The following CHD7 variants were observed in gnomAD, a reference collection of about 807,000 sequenced individuals.
CHD7 encodes ATP-dependent chromatin remodeler CHD7.
Under a neutral mutation model 307.3 loss-of-function variants are expected in CHD7, and 24 were observed. That is an observed-to-expected ratio of 0.08 (90% confidence interval 0.06 to 0.11). The LOEUF is 0.11. Among genes scored for constraint, CHD7 ranks in the 10% least tolerant of loss-of-function variants. The probability of loss-of-function intolerance (pLI) is 1.00; values close to 1 mark genes in which losing one functional copy is unlikely to be tolerated. For missense variants in CHD7, 3,106 were observed against 3,727.1 expected, an observed-to-expected ratio of 0.83 and a Z score of 4.34; for synonymous variants, 1,363 against 1,349.9, an observed-to-expected ratio of 1.01 and a Z score of -0.21.
chr8:60,856,841 G>A lies in CHD7; in HGVS notation c.7561G>A (p.Gly2521Arg). 6.3e-7 allele frequency: 1 copy of A among 1,580,492 alleles called. No individual in the cohort carries two copies. The part of the protein sequence containing the change: ...RRRGRRKNVE[G>R]LDLLFMSHKR... ...GCGGGGAAGGAGGAAAAATGTGGAG[G>A]GACTTGATCTGCTTTTCATGAGCCA... The change falls in exon 34 of 38, where the codon GGA becomes AGA. Residue 2521 changes from glycine to arginine, a missense_variant. Coordinates refer to ENST00000423902, the MANE Select transcript of CHD7 (RefSeq NM_017780.4).
intron 34 of CHD7, among the ~76,000 whole-genome samples, 187 bp downstream of exon 34, chr8:60,857,075 C>T (rs1186979735): frequency 6.6e-6 from 1 of 152,192 alleles, no homozygotes; most frequent in Admixed American, 6.5e-5. Flanking sequence ...TTGGCCTGAA[C>T]GAAGTGTAGC....
chr8:60,842,453 C>T (rs1805015320), intron 21 of CHD7, among the ~76,000 whole-genome samples: 1 of 152,194 alleles, frequency 6.6e-6, no homozygotes, highest in South Asian at 2.1e-4. Context: ...GCAGTAATCT[C>T]ACTTGTTAAA....
At chr8:60,832,592 C>T (rs947888443) in intron 15 of CHD7, among the ~76,000 whole-genome samples, 1 of 152,086 alleles carries the variant, frequency 6.6e-6, no homozygotes, top group Non-Finnish European at 1.5e-5. Context: ...TAAATAATAG[C>T]CTCCAAGGGG....
At chr8:60,857,513 A>G (rs193214730) in intron 34 of CHD7, among the ~76,000 whole-genome samples, 36 of 152,348 alleles carry the variant, frequency 2.4e-4, no homozygotes, top group African/African-American at 7.2e-4. Context: ...TGACTCACTG[A>G]TGACCAGAAT....
At chr8:60,681,797 A>T (rs932794975) in intron 1 of CHD7, among the ~76,000 whole-genome samples, 4 of 151,702 alleles carry the variant, frequency 2.6e-5, no homozygotes, top group South Asian at 2.1e-4. Context: ...ATATTTTCTA[A>T]TTTTTTCTCC....
intron 14 of CHD7, among the ~76,000 whole-genome samples, chr8:60,829,395 T>A (rs1422432462): frequency 6.6e-6 from 1 of 152,114 alleles, no homozygotes; most frequent in Non-Finnish European, 1.5e-5. Flanking sequence ...GTCAGGAGTT[T>A]GAGACCAGCC....
intron 2 of CHD7, among the ~76,000 whole-genome samples, chr8:60,773,872 G>C (rs573420676): frequency 6.6e-6 from 1 of 152,218 alleles, no homozygotes; most frequent in South Asian, 2.1e-4. Context: ...TTTTATCTTT[G>C]GGTAAAAGGT....
At chr8:60,846,776 AACTG>A (rs1009270455) in intron 23 of CHD7, among the ~76,000 whole-genome samples, 2 of 152,252 alleles carry the variant, frequency 1.3e-5, no homozygotes, top group African/African-American at 4.8e-5. Context: ...ATCCCCATTT[AACTG>A]ACAAGAAAAC....
At position 60,822,527 on chromosome 8, in the gene CHD7, A is replaced by G. The variant is rs1804093005; in HGVS notation, c.2982A>G (p.Glu994=). ...YNMRNCILAD[E]MGLGKTIQSI... Reference sequence around the variant, plus strand: ...GGCGAAACTGCATTTTAGCAGATGAAATGGGTTTGGGAAAAACTATCCAGT... The same window carrying G: ...GGCGAAACTGCATTTTAGCAGATGAGATGGGTTTGGGAAAAACTATCCAGT... Residue 994 remains glutamate (E), a synonymous_variant, in exon 12 of 38, where the codon GAA becomes GAG. Coordinates refer to ENST00000423902, the MANE Select transcript of CHD7 (RefSeq NM_017780.4). 4.3e-6 allele frequency: 7 copies of G among 1,613,628 alleles called. No homozygotes were observed. In the East Asian group the frequency reaches 6.7e-5, roughly 15 times the overall value.
chr8:60,724,023 C>T (rs72650469), intron 1 of CHD7, among the ~76,000 whole-genome samples: 105 of 152,312 alleles, frequency 6.9e-4, no homozygotes, highest in Non-Finnish European at 1.2e-3. Flanking sequence ...AAGCATTTGC[C>T]TTTTCACTAT....
intron 6 of CHD7, among the ~76,000 whole-genome samples, chr8:60,807,254 A>G (rs977570588): frequency 1.3e-4 from 20 of 152,202 alleles, no homozygotes; most frequent in African/African-American, 4.8e-4. Context: ...AGGTGGCTGA[A>G]CAGCCATACA....
intron 1 of CHD7, among the ~76,000 whole-genome samples, chr8:60,688,217 G>A (rs552374455): frequency 3.3e-5 from 5 of 152,118 alleles, no homozygotes; most frequent in South Asian, 2.1e-4. Context: ...TTTTGATGTC[G>A]GACAGATACG....
chr8:60,685,712 A>T (rs1395104567), intron 1 of CHD7, among the ~76,000 whole-genome samples: 1 of 152,248 alleles, frequency 6.6e-6, no homozygotes, highest in Non-Finnish European at 1.5e-5. Flanking sequence ...TTTAATAAGT[A>T]AATTACCTTC....
chr8:60,814,402 T>C (rs1375132257), intron 7 of CHD7, among the ~76,000 whole-genome samples: 20 of 152,334 alleles, frequency 1.3e-4, no homozygotes, highest in South Asian at 4.1e-4. Context: ...TGTCAAATAA[T>C]TTGGAGACTA....
intron 13 of CHD7, chr8:60,824,583 T>C (rs1804184455): frequency 6.5e-6 from 1 of 152,706 alleles, no homozygotes; most frequent in Non-Finnish European, 1.5e-5. Context: ...TATTTTTCAG[T>C]GCTCATAGGT....
chr8:60,740,956 G>A (rs1313034484), intron 1 of CHD7, among the ~76,000 whole-genome samples: 2 of 152,136 alleles, frequency 1.3e-5, no homozygotes, highest in South Asian at 2.1e-4. Context: ...TTCACGTTGT[G>A]TTCTTTTGTT....
chr8:60,738,862 C>T (rs966897699), intron 1 of CHD7, among the ~76,000 whole-genome samples: 2 of 152,074 alleles, frequency 1.3e-5, no homozygotes, highest in African/African-American at 2.4e-5. Context: ...GTTTTTCAAG[C>T]GTCTGGGAGA....
chr8:60,743,003 A>G lies in CHD7; in HGVS notation c.1571A>G (p.His524Arg). Residue 524 changes from histidine to arginine, a missense_variant, in exon 2 of 38, where the codon CAC becomes CGC. By Grantham distance (29) the His-to-Arg change is conservative. Around this residue, in one of 10 missense-constraint regions of CHD7, gnomAD observed 998 missense variants for 1,004.5 expected, o/e 0.99. Transcript: ENST00000423902. ...CPPLQPHPGL[H>R]HQSSPPHPHH... The stretch of plus-strand genomic sequence containing the variant: ...CCACTGCAGCCTCACCCGGGCTTGC[A>G]CCACCAGTCTTCACCTCCACACCCT... 1 of 1,613,808 alleles carries G rather than the reference A, an allele frequency of 6.2e-7. No individual in the cohort carries two copies. Among genetic ancestry groups the G allele is most frequent in the Non-Finnish European group, 8.5e-7 (1 of 1,179,834 alleles).
intron 17 of CHD7, 133 bp from the exon 18 acceptor site, chr8:60,837,535 G>C: frequency 1.4e-6 from 1 of 713,232 alleles, no homozygotes; most frequent in Non-Finnish European, 2.2e-6. Flanking sequence ...CCACCTTCAT[G>C]ACCTAATTAC....
Sources: gnomAD v4.1 joint callset for allele counts (sites outside exome capture counted in the v4.1 genomes callset) on GRCh38, gnomAD v4.1.1 for gene constraint, gnomAD v4.1.1 regional missense constraint, MANE v1.5 for transcripts, NCBI Gene and HGNC (gene_info 2026-07-23, HGNC 2026-07-21) for gene names.